Variants in RARA observed in about 807,000 individuals in gnomAD.
RARA encodes PML-DDX5-RARA fusion.
A neutral mutation model predicts 42.8 loss-of-function variants in RARA; 5 were observed. The observed-to-expected ratio is 0.12, with a 90% confidence interval of 0.06 to 0.25. The LOEUF is 0.25. Ranked by LOEUF, RARA falls within the 10% of genes least tolerant of loss-of-function variation. RARA has a pLI of 1.00. For missense variants in RARA, 402 were observed against 628.7 expected, an observed-to-expected ratio of 0.64 and a Z score of 3.86; for synonymous variants, 256 against 259.5, an observed-to-expected ratio of 0.99 and a Z score of 0.13.
In RARA at chr17:40,320,725, G is replaced by A. The variant is rs1338560577; in HGVS notation, c.-362-10132G>A. On this transcript the variant is annotated intron_variant, in intron 1 of 8. Coordinates refer to ENST00000254066, the MANE Select transcript of RARA (RefSeq NM_000964.4). The surrounding 1 kb of genome is among the most constrained non-coding windows in gnomAD (Gnocchi z 4.1). ...CATGGGCAGGACAGGACTTAGGCTA[G>A]GCTGGAGGGGTGGTTTCTTTTGACC... is the stretch of plus-strand genomic sequence containing the variant. Among the ~76,000 whole-genome samples, 1 of 152,180 alleles carries A rather than the reference G, an allele frequency of 6.6e-6. No homozygotes were observed. The highest frequency in any genetic ancestry group is 1.5e-5 in the Non-Finnish European group (1 of 68,016).
At chr17:40,311,891 G>T (rs542005970) in intron 1 of RARA, among the ~76,000 whole-genome samples, 13 of 152,342 alleles carry the variant, frequency 8.5e-5, no homozygotes, top group African/African-American at 9.6e-5. Context: ...CAGCTTGGGG[G>T]CAGCACATGC....
Position 40,356,573 on chromosome 17 carries a change from C to A in RARA, c.*347C>A, listed in dbSNP as rs1281609017. 1.8e-6 allele frequency: 1 copy of A among 570,338 alleles called. No homozygotes were observed. The highest frequency in any genetic ancestry group is 3.3e-6 in the Non-Finnish European group (1 of 299,646). The allele number at this position is 570,338 out of a possible 1,614,324, so 35.3% of individuals were successfully genotyped here. ...TCTTCATCACCAGCAAACGCCAGGA[C>A]TTGGCTCCCCCATCCTCAGAACTCA... On this transcript the variant is annotated 3_prime_UTR_variant, in exon 9 of 9. Coordinates refer to ENST00000254066, the MANE Select transcript of RARA (RefSeq NM_000964.4).
chr17:40,321,350 C>G (rs535992555), intron 1 of RARA, among the ~76,000 whole-genome samples: 55 of 152,116 alleles, frequency 3.6e-4, no homozygotes, highest in Middle Eastern at 6.8e-3. Flanking sequence ...CTCGCTCCCC[C>G]CTAGCTGGGA....
Position 40,331,299 on chromosome 17 carries a change from C to T in RARA, c.81C>T (p.Phe27=), listed in dbSNP as rs2033684316. The change falls in exon 2 of 9, where the codon TTC becomes TTT. Residue 27 remains phenylalanine, a synonymous_variant. Transcript: ENST00000254066. ...ACCCGGTGCCTCCCTACGCCTTCTT[C>T]TTCCCCCCTATGCTGGGTGGACTCT... is the stretch of plus-strand genomic sequence containing the variant. ...NGYPVPPYAF[F]FPPMLGGLSP... 6.2e-7 allele frequency: 1 copy of T among 1,614,004 alleles called. No individual in the cohort carries two copies. The highest frequency in any genetic ancestry group is 1.3e-5 in the African/African-American group (1 of 74,922).
chr17:40,334,694 T>G (rs1158272623), intron 2 of RARA, among the ~76,000 whole-genome samples: 1 of 152,228 alleles, frequency 6.6e-6, no homozygotes, highest in African/African-American at 2.4e-5. Context: ...TGCCCCAGTC[T>G]GCCCATACCC....
chr17:40,338,851 C>T (rs1048356732), intron 2 of RARA, among the ~76,000 whole-genome samples: 5 of 151,886 alleles, frequency 3.3e-5, no homozygotes, highest in African/African-American at 9.7e-5. Context: ...AACCCCATCT[C>T]TACAGAATAT....
intron 2 of RARA, chr17:40,342,724 TG>T (rs776808327): frequency 1.2e-6 from 2 of 1,612,044 alleles, no homozygotes; most frequent in African/African-American, 1.3e-5. Context: ...AGTGTAGAAG[TG>T]GGGGGTCCCA....
rs746187167 is a variant in RARA, at chr17:40,331,296, C to T, written c.78C>T (p.Phe26=). ...GGTACCCGGTGCCTCCCTACGCCTT[C>T]TTCTTCCCCCCTATGCTGGGTGGAC... ...LNGYPVPPYA[F]FFPPMLGGLS... The change falls in exon 2 of 9, where the codon TTC becomes TTT. Residue 26 remains phenylalanine, a synonymous_variant. Transcript: ENST00000254066. 6.2e-7 allele frequency: 1 copy of T among 1,613,994 alleles called. No homozygotes were observed. The highest frequency in any genetic ancestry group is 2.2e-5 in the East Asian group (1 of 44,886).
Position 40,355,540 on chromosome 17 carries a change from C to T in RARA, c.1171+119C>T, listed in dbSNP as rs1434882459. On this transcript the variant is annotated intron_variant, in intron 8 of 8. Transcript: ENST00000254066. This position sits in a 1 kb window ranked among gnomAD's most constrained non-coding sequence, Gnocchi z 4.1. ...ATACGACACCTGTCCCCATCTGTGT[C>T]TAGGCTGAGGTCCCCTAGTGACTCC... 1.5e-6 allele frequency: 2 copies of T among 1,361,980 alleles called. No homozygotes were observed. The highest frequency in any genetic ancestry group is 5.1e-5 in the East Asian group (2 of 39,456). 84.4% of individuals were successfully genotyped at this position (1,361,980 alleles called of 1,614,324 possible).
chr17:40,349,656 A>G, intron 3 of RARA, 128 bp from the exon 4 acceptor site: 13 of 1,199,888 alleles, frequency 1.1e-5, no homozygotes, highest in South Asian at 5.7e-5. Context: ...TGGCCTGCTC[A>G]GGTAGGCGAT....
At chr17:40,324,161 G>A (rs1389645996) in intron 1 of RARA, among the ~76,000 whole-genome samples, 7 of 152,108 alleles carry the variant, frequency 4.6e-5, no homozygotes, top group Non-Finnish European at 1.0e-4. Flanking sequence ...ATGTGAGGTC[G>A]GTGGTTTCCA....
At position 40,355,748 on chromosome 17, in the gene RARA, A is replaced by G. The variant is rs376453807; in HGVS notation, c.1172-261A>G. The stretch of plus-strand genomic sequence containing the variant: ...GGGGTCGGGATGATCCCTAGCACAC[A>G]GCACAGGGGAAGGAAGGGCTTGGCG... On this transcript the variant is annotated intron_variant, in intron 8 of 8. Coordinates refer to ENST00000254066, the MANE Select transcript of RARA (RefSeq NM_000964.4). The surrounding 1 kb of genome is among the most constrained non-coding windows in gnomAD (Gnocchi z 4.1). 4.6e-5 allele frequency among the ~76,000 whole-genome samples: 7 copies of G among 152,254 alleles called. No homozygotes were observed. The highest frequency in any genetic ancestry group is 3.8e-4 in the East Asian group (2 of 5,204).
At chr17:40,325,243 T>A (rs2143229809) in intron 1 of RARA, among the ~76,000 whole-genome samples, 1 of 149,050 alleles carries the variant, frequency 6.7e-6, no homozygotes, top group Middle Eastern at 3.5e-3. Flanking sequence ...AGGGTGAGAC[T>A]CCATCTCAAA....
At chr17:40,315,418 A>T (rs796545612) in intron 1 of RARA, among the ~76,000 whole-genome samples, 1 of 151,916 alleles carries the variant, frequency 6.6e-6, no homozygotes. Flanking sequence ...TTTGAGCCTC[A>T]GTTTTTTCAT....
intron 1 of RARA, among the ~76,000 whole-genome samples, chr17:40,310,462 G>A (rs1398996995): frequency 6.6e-6 from 1 of 152,114 alleles, no homozygotes; most frequent in Non-Finnish European, 1.5e-5. Flanking sequence ...TGTATGATAG[G>A]AATGGGTGGC....
chr17:40,341,076 A>G, intron 2 of RARA: 1 of 401,186 alleles, frequency 2.5e-6, no homozygotes, highest in Non-Finnish European at 4.4e-6. Context: ...TGGGGGTAAT[A>G]GGATACCCCC....
chr17:40,348,758 A>G (rs1347801176), intron 3 of RARA: 4 of 265,990 alleles, frequency 1.5e-5, no homozygotes, highest in African/African-American at 2.2e-5. Flanking sequence ...CCAGGTTGCC[A>G]TGGTGAGCTG....
intron 2 of RARA, among the ~76,000 whole-genome samples, chr17:40,344,154 AC>A (rs1467248998): frequency 2.0e-5 from 3 of 149,358 alleles, no homozygotes; most frequent in African/African-American, 7.5e-5. Flanking sequence ...GACTTACCCC[AC>A]CCCTCTTGCT....
At position 40,352,002 on chromosome 17, in the gene RARA, AT is replaced by A; in HGVS notation, c.564del (p.Ile188MetfsTer82). 1 of 1,602,274 alleles carries A rather than the reference AT, an allele frequency of 6.2e-7. No homozygotes were observed. The highest frequency in any genetic ancestry group is 8.5e-7 in the Non-Finnish European group (1 of 1,176,356). ...GCTGACGCCGGAGGTGGGGGAGCTC[AT>A]TGAGAAGGTGCGCAAAGCGCACCAG... Reference protein sequence around the residue: ...YTLTPEVGELIEKVRKAHQET... With the variant: ...YTLTPEVGELXEKVRKAHQET... On this transcript the variant is annotated frameshift_variant, in exon 5 of 9. Transcript: ENST00000254066. LOFTEE classifies it high-confidence loss of function. This position sits in a 1 kb window ranked among gnomAD's most constrained non-coding sequence, Gnocchi z 4.9.
Sources: allele counts gnomAD v4.1 joint callset (sites outside exome capture counted in the v4.1 genomes callset), GRCh38; gene constraint gnomAD v4.1.1; non-coding constraint Gnocchi (gnomAD v3.1); transcripts MANE v1.5; gene names NCBI Gene and HGNC (gene_info 2026-07-23, HGNC 2026-07-21).